The following ARSD variants were observed in gnomAD, a reference collection of about 807,000 sequenced individuals.
The protein encoded by ARSD is arylsulfatase D, also known as testis tissue sperm-binding protein Li 39a.
A neutral mutation model predicts 32.6 loss-of-function variants in ARSD; 21 were observed. The ratio of observed to expected loss-of-function variants is 0.64; its 90% CI spans 0.46 to 0.93. ARSD has a LOEUF of 0.93. Ranked by LOEUF, ARSD falls within the 40% of genes least tolerant of loss-of-function variation. The pLI is 0.00. For missense variants in ARSD, 454 were observed against 520.9 expected, an observed-to-expected ratio of 0.87 and a Z score of 1.25; for synonymous variants, 224 against 237.4, an observed-to-expected ratio of 0.94 and a Z score of 0.52.
intron 2 of ARSD, among the ~76,000 whole-genome samples, chrX:2,922,973 C>T (rs887720376): frequency 1.1e-4 from 12 of 110,034 alleles, no homozygotes; most frequent in Admixed American, 5.8e-4. Flanking sequence ...CACTGCAAGG[C>T]GTGAGGCACG....
At chrX:2,927,923 C>G (rs1264326228) in intron 1 of ARSD, among the ~76,000 whole-genome samples, 1 of 111,815 alleles carries the variant, frequency 8.9e-6, no homozygotes, top group South Asian at 3.7e-4. Context: ...GTATTTGGAC[C>G]CAAGAAGATT....
At chrX:2,909,605 AC>A (rs1388952861) in intron 8 of ARSD, among the ~76,000 whole-genome samples, 9 of 99,929 alleles carry the variant, frequency 9.0e-5, no homozygotes, top group African/African-American at 3.4e-4. Context: ...AATTGCTTGA[AC>A]CCAGGAGGCG....
At position 2,907,355 on chromosome X, in the gene ARSD, G is replaced by A; in HGVS notation, c.1698C>T (p.Asn566=). 7.4e-6 allele frequency: 9 copies of A among 1,212,219 alleles called. No individual in the cohort carries two copies. Among genetic ancestry groups the A allele is most frequent in the Non-Finnish European group, 1.0e-5 (9 of 895,625 alleles). The change falls in exon 10 of 10, where the codon AAC becomes AAT. Residue 566 remains asparagine, a synonymous_variant. Coordinates refer to ENST00000381154, the MANE Select transcript of ARSD (RefSeq NM_001669.4). The part of the protein sequence containing the change: ...SPVPQQFSMS[N]ILWKPWLQPC... ...GCTGCAGCCACGGCTTCCACAGGAT[G>A]TTGCTCATGGAAAACTGCTGGGGCA... is the stretch of plus-strand genomic sequence containing the variant.
chrX:2,907,911 C>G, intron 9 of ARSD: 2 of 912,128 alleles, frequency 2.2e-6, no homozygotes, highest in Non-Finnish European at 2.7e-6. Flanking sequence ...TTTCAGAAAT[C>G]AGAATCATAG....
intron 2 of ARSD, among the ~76,000 whole-genome samples, chrX:2,925,221 G>C (rs1412198981): frequency 1.8e-5 from 2 of 111,745 alleles, no homozygotes; most frequent in East Asian, 5.7e-4. Flanking sequence ...AGACGCAGAG[G>C]AGAAGGCCCC....
At chrX:2,925,814 G>T in intron 1 of ARSD, 49 bp from the exon 2 acceptor site, 1 of 1,172,572 alleles carries the variant, frequency 8.5e-7, no homozygotes, top group Non-Finnish European at 1.2e-6. Context: ...ATTTGGCAAG[G>T]GAAGTAGGCA....
At chrX:2,907,950 G>C in intron 9 of ARSD, 1 of 861,646 alleles carries the variant, frequency 1.2e-6, no homozygotes, top group Admixed American at 6.2e-5. Context: ...CCTTTCCCCT[G>C]TGTTGAAACT....
chrX:2,911,615 A>G (rs1386057511), intron 6 of ARSD, among the ~76,000 whole-genome samples: 12 of 101,582 alleles, frequency 1.2e-4, no homozygotes, highest in African/African-American at 4.0e-4. Context: ...GCTTGCAGTG[A>G]GCCGAGATCG....
chrX:2,907,292 C>T lies in ARSD; in HGVS notation c.1761G>A (p.Glu587=). Reference sequence around the variant, plus strand: ...GCATTCAGGGGGTGCCATCCCCATCCTCGTGGCATGAACAGAACGGGAAAT... The same window carrying T: ...GCATTCAGGGGGTGCCATCCCCATCTTCGTGGCATGAACAGAACGGGAAAT... The part of the protein sequence containing the change: ...CGHFPFCSCH[E]DGDGTP The change falls in exon 10 of 10, where the codon GAG becomes GAA. Residue 587 remains glutamate (E), a synonymous_variant. Transcript: ENST00000381154. 8.3e-7 allele frequency: 1 copy of T among 1,209,530 alleles called. No homozygotes were observed. Among genetic ancestry groups the T allele is most frequent in the Non-Finnish European group, 1.1e-6 (1 of 894,163 alleles).
intron 4 of ARSD, among the ~76,000 whole-genome samples, chrX:2,918,472 C>A (rs866193404): frequency 1.8e-5 from 2 of 112,513 alleles, no homozygotes; most frequent in Non-Finnish European, 3.8e-5. Flanking sequence ...GACTTTCGGC[C>A]GGGCGCGGTG....
chrX:2,919,445 A>G (rs1356133046), intron 4 of ARSD, among the ~76,000 whole-genome samples: 2 of 107,438 alleles, frequency 1.9e-5, no homozygotes, highest in African/African-American at 6.9e-5. Flanking sequence ...GAAGGAGGTA[A>G]CCAGCAGACT....
At position 2,918,126 on chromosome X, in the gene ARSD, T is replaced by G; in HGVS notation, c.541A>C (p.Thr181Pro). 1 of 1,203,030 alleles carries G rather than the reference T, an allele frequency of 8.3e-7. No individual in the cohort carries two copies. The highest frequency in any genetic ancestry group is 3.0e-5 in the East Asian group (1 of 33,445). ...DYFYGMPFTL[T>P]NDCDPGRPPE... ...GGCCTGCCTGGGTCACAGTCGTTTGTGAGCGTGAAGGGCATGCCGTAGAAA... is the reference window on the plus strand; with the variant it reads ...GGCCTGCCTGGGTCACAGTCGTTTGGGAGCGTGAAGGGCATGCCGTAGAAA... The change falls in exon 5 of 10, where the codon ACA becomes CCA. Residue 181 changes from threonine (T) to proline (P), a missense_variant. Physicochemically the swap from Thr to Pro is conservative, Grantham distance 38. Around this residue, in one of 3 missense-constraint regions of ARSD, gnomAD observed 271 missense variants for 301.0 expected, o/e 0.90. Coordinates refer to ENST00000381154, the MANE Select transcript of ARSD (RefSeq NM_001669.4).
At chrX:2,927,112 G>A (rs1439703924) in intron 1 of ARSD, among the ~76,000 whole-genome samples, 4 of 110,836 alleles carry the variant, frequency 3.6e-5, no homozygotes, top group Non-Finnish European at 5.7e-5. Flanking sequence ...AGGACGGGGC[G>A]TGTCTTGGAG....
intron 8 of ARSD, 50 bp downstream of exon 8, chrX:2,909,765 ACT>A: frequency 1.8e-6 from 2 of 1,118,755 alleles, no homozygotes; most frequent in South Asian, 2.3e-5. Flanking sequence ...AAAAAAAAAA[ACT>A]AAAAACAATT....
intron 6 of ARSD, chrX:2,914,077 C>T (rs1228861543): frequency 2.8e-6 from 2 of 707,652 alleles, no homozygotes; most frequent in African/African-American, 4.7e-5. Context: ...CCAATCCAAC[C>T]TCTTTTCTTT....
At chrX:2,908,403 A>G (rs1165069540) in intron 9 of ARSD, among the ~76,000 whole-genome samples, 10 of 109,298 alleles carry the variant, frequency 9.1e-5, no homozygotes, top group Admixed American at 2.0e-4. Flanking sequence ...TCTATCCATT[A>G]TCTATCATCT....
chrX:2,928,214 C>A (rs751176949), intron 1 of ARSD, among the ~76,000 whole-genome samples: 29 of 107,417 alleles, frequency 2.7e-4, no homozygotes, highest in African/African-American at 9.9e-4. Flanking sequence ...GACATGGAGG[C>A]GGCACAAGGC....
chrX:2,924,291 C>A (rs1315238796), intron 2 of ARSD, among the ~76,000 whole-genome samples: 1 of 113,502 alleles, frequency 8.8e-6, no homozygotes. Context: ...TCCTTGGCCT[C>A]CCAAAATGCT....
intron 4 of ARSD, among the ~76,000 whole-genome samples, chrX:2,919,792 A>G (rs1407936398): frequency 5.4e-5 from 6 of 110,963 alleles, no homozygotes; most frequent in Non-Finnish European, 1.1e-4. Flanking sequence ...GAGCTTCCCT[A>G]ATAGACAGCA....
Sources: gnomAD v4.1 joint callset for allele counts (sites outside exome capture counted in the v4.1 genomes callset) on GRCh38, gnomAD v4.1.1 for gene constraint, gnomAD v4.1.1 regional missense constraint, MANE v1.5 for transcripts, NCBI Gene and HGNC (gene_info 2026-07-23, HGNC 2026-07-21) for gene names.